The following NUP214 variants were observed in gnomAD, a reference collection of about 807,000 sequenced individuals.
NUP214 encodes nucleoporin 214.
Under a neutral mutation model 196.2 loss-of-function variants are expected in NUP214, and 79 were observed. The observed-to-expected ratio is 0.40, with a 90% CI of 0.34 to 0.49. The LOEUF (loss-of-function observed/expected upper bound fraction) is 0.49, where lower values mean the gene tolerates loss of function less well. Ranked by LOEUF, NUP214 falls within the 20% of genes least tolerant of loss-of-function variation. The pLI, the probability that NUP214 is intolerant of heterozygous loss-of-function variation, is 0.58. For synonymous variants in NUP214, 1,020 were observed against 990.5 expected (o/e 1.03, Z -0.56); for missense variants, 2,468 against 2,539.0 (o/e 0.97, Z 0.60).
At position 131,146,097 on chromosome 9, in the gene NUP214, T is replaced by C; in HGVS notation, c.1770-32T>C. The C allele has an allele frequency of 6.2e-7, 1 of 1,607,088 alleles. No homozygotes were observed. The highest frequency in any genetic ancestry group is 1.1e-5 in the South Asian group (1 of 90,836). On this transcript the variant is annotated intron_variant, in intron 12 of 35. Coordinates refer to ENST00000359428, the MANE Select transcript of NUP214 (RefSeq NM_005085.4). This position sits in a 1 kb window ranked among gnomAD's most constrained non-coding sequence, Gnocchi z 4.6. The stretch of plus-strand genomic sequence containing the variant: ...AGTGTAAAAGAATCTTCTAGCAGGC[T>C]CTTCTGAGGCCTTCAGGCTGCCATT...
At chr9:131,133,304 G>GTTTTTT (rs751108620) in intron 7 of NUP214, 95 bp downstream of exon 7, 71 of 421,838 alleles carry the variant, frequency 1.7e-4, no homozygotes, top group South Asian at 5.4e-4. Context: ...TTGTGTTTGT[G>GTTTTTT]TTTTTTTTTT....
In NUP214 at chr9:131,128,387, C is replaced by T. The variant is rs762845972; in HGVS notation, c.297C>T (p.Ala99=). ...TGAAATTCCCAATCCATCACCTGGCCTTGAGCTGTGATAACCTCACACTCT... is the reference window on the plus strand; with the variant it reads ...TGAAATTCCCAATCCATCACCTGGCTTTGAGCTGTGATAACCTCACACTCT... ...VPMKFPIHHL[A]LSCDNLTLSA... is the part of the protein sequence containing the mutation. Residue 99 remains alanine, a synonymous_variant, in exon 3 of 36, where the codon GCC becomes GCT. Transcript: ENST00000359428. The T allele has an allele frequency of 1.9e-6, 3 of 1,613,560 alleles. No individual in the cohort carries two copies. The highest frequency in any genetic ancestry group is 1.1e-5 in the South Asian group (1 of 91,028).
At chr9:131,174,825 C>T (rs951147530) in intron 22 of NUP214, among the ~76,000 whole-genome samples, 2 of 152,188 alleles carry the variant, frequency 1.3e-5, no homozygotes, top group African/African-American at 4.8e-5. Flanking sequence ...CCCTTGAAAG[C>T]AGTTGCTAGG....
intron 12 of NUP214, 25 bp downstream of exon 12, chr9:131,144,779 C>T: frequency 6.7e-7 from 1 of 1,495,268 alleles, no homozygotes. Context: ...AAGTTTGATT[C>T]TTCTGTGAGT....
At chr9:131,127,337 C>T (rs181265787) in intron 1 of NUP214, among the ~76,000 whole-genome samples, 187 bp from the exon 2 acceptor site, 4 of 152,128 alleles carry the variant, frequency 2.6e-5, no homozygotes, top group Admixed American at 6.5e-5. Flanking sequence ...GAGCCAAGAT[C>T]GCTGCACTGC....
chr9:131,192,190 T>TTTC lies in NUP214; in HGVS notation c.3575-16_3575-15insCTT. On this transcript the variant is annotated splice_polypyrimidine_tract_variant and intron_variant, in intron 26 of 35. Transcript: ENST00000359428. The stretch of plus-strand genomic sequence containing the variant: ...TATTCTTTTTTTTTTTTTTTTTTTT[T>TTTC]TTTTTCCATAATTTCAGGGACAGCC... The TTTC allele has an allele frequency of 8.3e-7, 1 of 1,200,590 alleles. No individual in the cohort carries two copies. The highest frequency in any genetic ancestry group is 1.1e-6 in the Non-Finnish European group (1 of 869,830). 74.4% of individuals were successfully genotyped at this position (1,200,590 alleles called of 1,614,324 possible).
At chr9:131,126,898 A>G (rs1290507660) in intron 1 of NUP214, 1 of 152,128 alleles carries the variant, frequency 6.6e-6, no homozygotes, top group Non-Finnish European at 1.5e-5. Context: ...GAGCCACCTA[A>G]TGGGGTTGTG....
rs1831616197 is a variant in NUP214 at position 131,133,304 on chromosome 9, G to GTGT, written c.831+96_831+97insGTT. ...TTTCAAGGGGTTTTTTTGTGTTTGT[G>GTGT]TTTTTTTTTTTTTTTTTTGAGACAA... On this transcript the variant is annotated intron_variant, in intron 7 of 35. Coordinates refer to ENST00000359428, the MANE Select transcript of NUP214 (RefSeq NM_005085.4). 7 of 421,968 alleles carry GTGT rather than the reference G, an allele frequency of 1.7e-5. No homozygotes were observed. In the South Asian group the frequency reaches 2.1e-4, roughly 12 times the overall value. 26.1% of individuals were successfully genotyped at this position (421,968 alleles called of 1,614,324 possible).
At chr9:131,163,575 G>T (rs1023731278) in intron 19 of NUP214, among the ~76,000 whole-genome samples, 3 of 152,136 alleles carry the variant, frequency 2.0e-5, no homozygotes, top group African/African-American at 7.2e-5. Context: ...CAGATTGACA[G>T]TTTGCCTTGA....
At chr9:131,141,851 T>A (rs1197754540) in intron 11 of NUP214, 1 of 152,238 alleles carries the variant, frequency 6.6e-6, no homozygotes. Flanking sequence ...CTTTTTGAAT[T>A]CTGTGAGTAT....
chr9:131,198,229 ACGGAGGCAGTACCAC>A lies in NUP214; in HGVS notation c.4737_4751del (p.Glu1580_Pro1584del), dbSNP rs1208987158. The A allele has an allele frequency of 6.2e-7, 1 of 1,614,074 alleles. No homozygotes were observed. The highest frequency in any genetic ancestry group is 8.5e-7 in the Non-Finnish European group (1 of 1,180,040). On this transcript the variant is annotated inframe_deletion, in exon 29 of 36. Coordinates refer to ENST00000359428, the MANE Select transcript of NUP214 (RefSeq NM_005085.4). The stretch of plus-strand genomic sequence containing the variant: ...CACCACGGGGGTCCCTGATGCCAGG[ACGGAGGCAGTACCAC>A]CTGCTTCCTCCTTTTCTGTGCCTGG...
chr9:131,219,708 C>A (rs1427989252), intron 31 of NUP214, among the ~76,000 whole-genome samples: 1 of 152,158 alleles, frequency 6.6e-6, no homozygotes, highest in Non-Finnish European at 1.5e-5. Context: ...AGGGCCATTC[C>A]CAGCACATTC....
At chr9:131,175,112 T>G (rs1833078089) in intron 22 of NUP214, among the ~76,000 whole-genome samples, 1 of 152,164 alleles carries the variant, frequency 6.6e-6, no homozygotes, top group African/African-American at 2.4e-5. Context: ...CAGTACAGTG[T>G]CAGGGCTTTG....
intron 21 of NUP214, among the ~76,000 whole-genome samples, chr9:131,172,741 C>T (rs539889525): frequency 5.3e-5 from 8 of 152,110 alleles, no homozygotes; most frequent in South Asian, 4.1e-4. Context: ...CTAAGACAGC[C>T]GTAGCACATA....
In NUP214 at chr9:131,146,019, T is replaced by G; in HGVS notation, c.1770-110T>G. Reference sequence around the variant, plus strand: ...CTGAAGGCAAAAAGTATGTTATCTTTGTAAGTTAACATAAAAGATAATAAG... The same window carrying G: ...CTGAAGGCAAAAAGTATGTTATCTTGGTAAGTTAACATAAAAGATAATAAG... On this transcript the variant is annotated intron_variant, in intron 12 of 35. Transcript: ENST00000359428. This position sits in a 1 kb window ranked among gnomAD's most constrained non-coding sequence, Gnocchi z 4.6. 9.6e-7 allele frequency: 1 copy of G among 1,041,588 alleles called. No homozygotes were observed. Among genetic ancestry groups the G allele is most frequent in the African/African-American group, 1.6e-5 (1 of 63,244 alleles). The allele number at this position is 1,041,588 out of a possible 1,614,324, so 64.5% of individuals were successfully genotyped here.
chr9:131,150,021 C>T (rs766675592), intron 14 of NUP214: 22 of 217,040 alleles, frequency 1.0e-4, no homozygotes, highest in Non-Finnish European at 1.6e-4. Context: ...TTTTTATTCT[C>T]TTTATGTTTC....
intron 28 of NUP214, chr9:131,195,620 T>C (rs1489733862): frequency 3.7e-6 from 1 of 269,362 alleles, no homozygotes; most frequent in African/African-American, 2.3e-5. Context: ...AGGGTGATTC[T>C]GTAGGGCAAG....
intron 31 of NUP214, among the ~76,000 whole-genome samples, chr9:131,217,778 T>C (rs1161634836): frequency 1.3e-5 from 2 of 152,260 alleles, no homozygotes; most frequent in Non-Finnish European, 2.9e-5. Flanking sequence ...AAATGTGTCA[T>C]ATCCCTATAA....
intron 30 of NUP214, among the ~76,000 whole-genome samples, chr9:131,206,030 A>C (rs973457772): frequency 2.0e-5 from 3 of 152,060 alleles, no homozygotes; most frequent in Non-Finnish European, 4.4e-5. Flanking sequence ...TCAGGATACA[A>C]GTGTATTCAT....
Sources: gnomAD v4.1 joint callset for allele counts (sites outside exome capture counted in the v4.1 genomes callset) on GRCh38, gnomAD v4.1.1 for gene constraint, Gnocchi (gnomAD v3.1) non-coding constraint, MANE v1.5 for transcripts, NCBI Gene and HGNC (gene_info 2026-07-23, HGNC 2026-07-21) for gene names.